The following SEMA5A variants were observed in gnomAD, a reference collection of about 807,000 sequenced individuals.
The protein encoded by SEMA5A is semaphorin 5A.
Under a neutral mutation model 135.5 loss-of-function variants are expected in SEMA5A, and 55 were observed. The ratio of observed to expected loss-of-function variants is 0.41; its 90% CI spans 0.33 to 0.51. SEMA5A has a LOEUF of 0.51. SEMA5A is among the 20% of genes least tolerant of loss of function. The pLI is 0.37. For missense variants in SEMA5A, 1,290 were observed against 1,419.9 expected (o/e 0.91, Z 1.47); for synonymous variants, 580 against 546.5 (o/e 1.06, Z -0.85).
chr5:9,466,038 G>A (rs1310349567), intron 1 of SEMA5A, among the ~76,000 whole-genome samples: 1 of 152,130 alleles, frequency 6.6e-6, no homozygotes, highest in African/African-American at 2.4e-5. Context: ...TATTGACCAA[G>A]AAGGCCTTAA....
chr5:9,352,093 T>TTGG (rs1754143733), intron 3 of SEMA5A, among the ~76,000 whole-genome samples: 2 of 31,842 alleles, frequency 6.3e-5, no homozygotes, highest in Non-Finnish European at 2.9e-4. Flanking sequence ...ATGTAACAGG[T>TTGG]CGGGGGGGTT....
chr5:9,381,462 A>G (rs58836768), intron 2 of SEMA5A, among the ~76,000 whole-genome samples: 1 of 152,148 alleles, frequency 6.6e-6, no homozygotes, highest in Admixed American at 6.5e-5. Context: ...CGCTCTGCTC[A>G]TTTTAATACA....
chr5:9,295,896 C>T (rs1389053307), intron 5 of SEMA5A, among the ~76,000 whole-genome samples: 1 of 152,108 alleles, frequency 6.6e-6, no homozygotes, highest in African/African-American at 2.4e-5. Context: ...CACATCCAGA[C>T]GACCTGAGTG....
chr5:9,294,644 T>C (rs768199088), intron 5 of SEMA5A, among the ~76,000 whole-genome samples: 3 of 152,162 alleles, frequency 2.0e-5, no homozygotes, highest in Non-Finnish European at 2.9e-5. Flanking sequence ...ACACAACATA[T>C]GTCATCTGCT....
chr5:9,076,203 C>CAAAA (rs55743535), intron 16 of SEMA5A, among the ~76,000 whole-genome samples: 8 of 89,860 alleles, frequency 8.9e-5, no homozygotes, highest in Non-Finnish European at 1.1e-4. Context: ...GACTCCATCT[C>CAAAA]AAAAAAAAAA....
intron 15 of SEMA5A, among the ~76,000 whole-genome samples, chr5:9,111,174 G>A (rs1740220874): frequency 6.6e-6 from 1 of 152,118 alleles, no homozygotes; most frequent in Admixed American, 6.5e-5. Context: ...ACTGTGGGTA[G>A]AAGGAGAAGT....
At chr5:9,058,226 C>T (rs1736997905) in intron 18 of SEMA5A, among the ~76,000 whole-genome samples, 1 of 152,160 alleles carries the variant, frequency 6.6e-6, no homozygotes, top group South Asian at 2.1e-4. Context: ...ATCCTCACAA[C>T]TGCCCTGGGG....
intron 13 of SEMA5A, among the ~76,000 whole-genome samples, chr5:9,128,860 G>T (rs1397976237): frequency 6.6e-6 from 1 of 152,112 alleles, no homozygotes; most frequent in African/African-American, 2.4e-5. Flanking sequence ...TGTAGGGGCT[G>T]CCATGTGCAT....
intron 5 of SEMA5A, among the ~76,000 whole-genome samples, chr5:9,282,241 T>C (rs991216671): frequency 2.6e-5 from 4 of 151,880 alleles, no homozygotes; most frequent in African/African-American, 9.7e-5. Context: ...AAAAAATGAA[T>C]AAAAATAAAA....
At chr5:9,449,295 T>C (rs1758548415) in intron 1 of SEMA5A, among the ~76,000 whole-genome samples, 1 of 152,148 alleles carries the variant, frequency 6.6e-6, no homozygotes, top group Admixed American at 6.5e-5. Context: ...GAAGCCATTA[T>C]CCTCAGCGAA....
Position 9,465,436 on chromosome 5 carries a change from C to A in SEMA5A, c.-174-27584G>T, listed in dbSNP as rs75515005. ...GTGTGCCAAGATATATTAATACAGT[C>A]AGCCCTCCATATCCATTGGTTCCAT... On this transcript the variant is annotated intron_variant, in intron 1 of 22. Coordinates refer to ENST00000382496, the MANE Select transcript of SEMA5A (RefSeq NM_003966.3). Among the ~76,000 whole-genome samples the A allele has an allele frequency of 4.0e-3, 607 of 152,326 alleles. 4 individuals are homozygous for A. Among genetic ancestry groups the A allele is most frequent in the African/African-American group, 0.014 (581 of 41,564 alleles).
Position 9,063,048 on chromosome 5 carries a change from G to C in SEMA5A, c.2357C>G (p.Ala786Gly). 6.2e-7 allele frequency: 1 copy of C among 1,614,208 alleles called. No individual in the cohort carries two copies. The highest frequency in any genetic ancestry group is 1.1e-5 in the South Asian group (1 of 91,084). The change falls in exon 18 of 23, where the codon GCT becomes GGT. Residue 786 changes from alanine to glycine, a missense_variant. Physicochemically the swap from Ala to Gly is moderately conservative, Grantham distance 60 (BLOSUM62 0). Transcript: ENST00000382496. ...TGACCACGACGTCCAGGCTGACCAA[G>C]CCCCGTTGACCGTGTGGGCAGAGTA... Reference protein sequence around the residue: ...GRYSAHTVNGAWSAWTSWSQC... With the variant: ...GRYSAHTVNGGWSAWTSWSQC...
intron 5 of SEMA5A, among the ~76,000 whole-genome samples, chr5:9,272,162 G>A (rs183655013): frequency 1.5e-3 from 234 of 152,218 alleles, no homozygotes; most frequent in African/African-American, 5.3e-3. Context: ...GATGTGGGAC[G>A]CTGGAGCTTG....
intron 2 of SEMA5A, among the ~76,000 whole-genome samples, chr5:9,430,337 A>G (rs1220456110): frequency 6.6e-6 from 1 of 152,234 alleles, no homozygotes; most frequent in African/African-American, 2.4e-5. Flanking sequence ...TTAAATAGGC[A>G]GTTGAATATA....
At chr5:9,406,461 T>A in intron 2 of SEMA5A, among the ~76,000 whole-genome samples, 1 of 152,170 alleles carries the variant, frequency 6.6e-6, no homozygotes, top group East Asian at 1.9e-4. Context: ...AATAAATTTC[T>A]GCTTTGGGAA....
chr5:9,140,882 C>G (rs1268861452), intron 12 of SEMA5A, among the ~76,000 whole-genome samples: 1 of 152,088 alleles, frequency 6.6e-6, no homozygotes, highest in Non-Finnish European at 1.5e-5. Context: ...CACGTTTACC[C>G]CAGACTTCCC....
At chr5:9,189,550 G>C (rs1404496412) in intron 11 of SEMA5A, among the ~76,000 whole-genome samples, 1 of 152,144 alleles carries the variant, frequency 6.6e-6, no homozygotes, top group African/African-American at 2.4e-5. Context: ...ACTGGACAAA[G>C]AATGGGGAGG....
intron 11 of SEMA5A, among the ~76,000 whole-genome samples, chr5:9,181,031 G>A (rs772301840): frequency 2.0e-5 from 3 of 152,126 alleles, no homozygotes; most frequent in Non-Finnish European, 4.4e-5. Flanking sequence ...TGAGAACAGG[G>A]GAGGTCCCTG....
intron 5 of SEMA5A, among the ~76,000 whole-genome samples, chr5:9,262,963 A>T (rs1359636409): frequency 1.4e-5 from 2 of 142,498 alleles, no homozygotes; most frequent in Non-Finnish European, 3.0e-5. Context: ...TCGAAAAAAT[A>T]AAAATAAAAA....
Sources: allele counts gnomAD v4.1 joint callset (sites outside exome capture counted in the v4.1 genomes callset), GRCh38; gene constraint gnomAD v4.1.1; transcripts MANE v1.5; gene names NCBI Gene and HGNC (gene_info 2026-07-23, HGNC 2026-07-21).